Variants in ZNF7 observed in about 807,000 individuals in gnomAD.
The protein encoded by ZNF7 is zinc finger protein 7.
Under a neutral mutation model 12.0 loss-of-function variants are expected in ZNF7, and 10 were observed. That is an observed-to-expected ratio of 0.83 (90% CI 0.51 to 1.42). The LOEUF (loss-of-function observed/expected upper bound fraction) is 1.42. Ranked by LOEUF, ZNF7 falls within the 40% of genes most tolerant of loss-of-function variation. ZNF7 has a pLI of 0.00. For synonymous variants in ZNF7, 334 were observed against 295.0 expected, an observed-to-expected ratio of 1.13 and a Z score of -1.35; for missense variants, 854 against 837.2, an observed-to-expected ratio of 1.02 and a Z score of -0.25.
At position 144,842,951 on chromosome 8, in the gene ZNF7, C is replaced by T. The variant is rs899176056; in HGVS notation, c.1844C>T (p.Ala615Val). 1.2e-6 allele frequency: 2 copies of T among 1,614,176 alleles called. No individual in the cohort carries two copies. The highest frequency in any genetic ancestry group is 1.3e-5 in the African/African-American group (1 of 75,044). The change falls in exon 5 of 5, where the codon GCC becomes GTC. Residue 615 changes from alanine (A) to valine (V), a missense_variant. Transcript: ENST00000532777. Reference protein sequence around the residue: ...RAQWFYEYGNALEGSTFVSRK... With the variant: ...RAQWFYEYGNVLEGSTFVSRK... ...CAGTGGTTTTACGAATATGGGAATG[C>T]CCTGGAAGGGTCCACCTTTGTGAGC... is the stretch of plus-strand genomic sequence containing the variant.
At chr8:144,839,289 C>A (rs1829538650) in intron 4 of ZNF7, among the ~76,000 whole-genome samples, 1 of 152,242 alleles carries the variant, frequency 6.6e-6, no homozygotes, top group Non-Finnish European at 1.5e-5. Flanking sequence ...CTCTTCACGC[C>A]CTGTGGGCCT....
At chr8:144,841,019 G>T in intron 4 of ZNF7, 1 of 249,314 alleles carries the variant, frequency 4.0e-6, no homozygotes, top group Non-Finnish European at 7.7e-6. Flanking sequence ...ATCCGTGGTA[G>T]CTTCCCACCC....
At chr8:144,827,781 AGCCCAGCCACCCTCCCCCGCG>A in intron 1 of ZNF7, 172 bp downstream of exon 1, 1 of 752,130 alleles carries the variant, frequency 1.3e-6, no homozygotes, top group Non-Finnish European at 1.6e-6. Context: ...GAGGTGGTCG[AGCCCAGCCACCCTCCCCCGCG>A]GCGGCGCGAG....
At chr8:144,846,036 C>T (rs780062300), downstream of ZNF7, 33 of 1,536,556 alleles carry the variant, frequency 2.1e-5, 1 homozygote, top group South Asian at 3.7e-4. Flanking sequence ...GCACCGCCTG[C>T]AACTCCTGTT....
At chr8:144,837,746 C>T (rs902480342) in intron 4 of ZNF7, among the ~76,000 whole-genome samples, 10 of 152,194 alleles carry the variant, frequency 6.6e-5, no homozygotes, top group Non-Finnish European at 1.2e-4. Context: ...TCCACAAAAA[C>T]GGAGCTTGTT....
intron 1 of ZNF7, 87 bp from the exon 2 acceptor site, chr8:144,828,956 G>A (rs1828115025): frequency 1.3e-6 from 2 of 1,515,240 alleles, no homozygotes; most frequent in African/African-American, 1.4e-5. Context: ...TGGAGGTAAA[G>A]GAGCAGAGAG....
intron 1 of ZNF7, 57 bp from the exon 2 acceptor site, chr8:144,828,986 G>A: frequency 6.3e-7 from 1 of 1,586,480 alleles, no homozygotes; most frequent in African/African-American, 1.3e-5. Context: ...CCCTTGATTA[G>A]CCTGGAAGTT....
chr8:144,841,386 C>T lies in ZNF7; in HGVS notation c.279C>T (p.Ala93=). The T allele has an allele frequency of 6.2e-7, 1 of 1,611,434 alleles. No individual in the cohort carries two copies. Among genetic ancestry groups the T allele is most frequent in the Non-Finnish European group, 8.5e-7 (1 of 1,177,742 alleles). The change falls in exon 5 of 5, where the codon GCC becomes GCT. Residue 93 remains alanine (A), a synonymous_variant. Transcript: ENST00000532777. ...CGATTAGGACTGAAAATGAGCAGGC[C>T]TGTGAGGACATGGACATCCTAAAAT... is the stretch of plus-strand genomic sequence containing the variant. ...DSTIRTENEQ[A]CEDMDILKSE... is the part of the protein sequence containing the mutation.
downstream of ZNF7, among the ~76,000 whole-genome samples, chr8:144,844,332 A>ATGAC (rs1251112816): frequency 9.9e-5 from 15 of 152,188 alleles, no homozygotes; most frequent in Non-Finnish European, 2.9e-5. Flanking sequence ...CCTGAGGCTG[A>ATGAC]TGACTGTCTT....
rs1490962636 is a variant in ZNF7, at chr8:144,843,382, G to A, written c.*214G>A. ...AGGCGGGCACATCACGAGGTCAGGA[G>A]GTTGAGACCATCCTGGGTAACAGGT... is the stretch of plus-strand genomic sequence containing the variant. On this transcript the variant is annotated 3_prime_UTR_variant, in exon 5 of 5. Transcript: ENST00000532777. 1.4e-5 allele frequency: 7 copies of A among 499,916 alleles called. No individual in the cohort carries two copies. Among genetic ancestry groups the A allele is most frequent in the Non-Finnish European group, 2.4e-5 (7 of 294,208 alleles). The allele number at this position is 499,916 out of a possible 1,614,324, so 31.0% of individuals were successfully genotyped here. A position where few individuals can be genotyped will look rare whatever the true frequency, so the allele number is the denominator to read the frequency against.
chr8:144,846,062 C>T, downstream of ZNF7: 1 of 1,536,568 alleles, frequency 6.5e-7, no homozygotes, highest in African/African-American at 1.4e-5. Context: ...CCTTCCAAAA[C>T]ACTGCTCACA....
At chr8:144,831,633 A>C (rs1828459838) in intron 3 of ZNF7, among the ~76,000 whole-genome samples, 1 of 149,976 alleles carries the variant, frequency 6.7e-6, no homozygotes, top group Non-Finnish European at 1.5e-5. Context: ...AAATACAAAA[A>C]TTAGCTGGGT....
chr8:144,841,056 C>T (rs1829837253), intron 4 of ZNF7: 1 of 328,210 alleles, frequency 3.0e-6, no homozygotes, highest in Non-Finnish European at 5.6e-6. Flanking sequence ...TCTCCTTTGC[C>T]TCTGCATGGA....
chr8:144,841,031 T>G, intron 4 of ZNF7: 1 of 268,196 alleles, frequency 3.7e-6, no homozygotes, highest in Non-Finnish European at 7.1e-6. Context: ...TTCCCACCCT[T>G]CTGGTCTTGC....
At chr8:144,830,783 G>T (rs143819096) in intron 3 of ZNF7, 3,849 of 334,298 alleles carry the variant, frequency 0.012, 146 homozygotes, top group African/African-American at 0.082. Context: ...ACCCATGCCG[G>T]AGTGCAATGG....
At chr8:144,835,513 T>C (rs1828891219) in intron 3 of ZNF7, 3 of 152,218 alleles carry the variant, frequency 2.0e-5, no homozygotes, top group Admixed American at 2.0e-4. Flanking sequence ...CCTTTGGTTT[T>C]AATCTGTTAT....
chr8:144,833,731 G>A (rs1173928296), intron 3 of ZNF7: 1 of 151,080 alleles, frequency 6.6e-6, no homozygotes, highest in Non-Finnish European at 1.5e-5. Context: ...CTTTAATTTT[G>A]TAGTGTTTCT....
At position 144,843,028 on chromosome 8, in the gene ZNF7, A is replaced by G. The variant is rs1212226929; in HGVS notation, c.1921A>G (p.Lys641Glu). Residue 641 changes from lysine to glutamate, a missense_variant, in exon 5 of 5, where the codon AAG becomes GAG. Physicochemically the swap from Lys to Glu is moderately conservative, Grantham distance 56. Transcript: ENST00000532777. Reference sequence around the variant, plus strand: ...ACTGCATCAGTGTGAAGACTGTGAGAAGATATTTAGGTGGCGTTCACACCT... The same window carrying G: ...ACTGCATCAGTGTGAAGACTGTGAGGAGATATTTAGGTGGCGTTCACACCT... The part of the protein sequence containing the change: ...KKLHQCEDCE[K>E]IFRWRSHLII... 6.2e-7 allele frequency: 1 copy of G among 1,614,242 alleles called. No homozygotes were observed. The highest frequency in any genetic ancestry group is 1.7e-5 in the Admixed American group (1 of 60,028).
At chr8:144,837,849 G>C (rs1196850451) in intron 4 of ZNF7, among the ~76,000 whole-genome samples, 1 of 152,180 alleles carries the variant, frequency 6.6e-6, no homozygotes, top group African/African-American at 2.4e-5. Flanking sequence ...GAAGGGTTAG[G>C]TTTGGCATTC....
Sources: gnomAD v4.1 joint callset for allele counts (sites outside exome capture counted in the v4.1 genomes callset) on GRCh38, gnomAD v4.1.1 for gene constraint, MANE v1.5 for transcripts, NCBI Gene and HGNC (gene_info 2026-07-23, HGNC 2026-07-21) for gene names.